CEP85L: variants seen among roughly 807,000 people sequenced by gnomAD.
The protein encoded by CEP85L is centrosomal protein 85L.
In CEP85L, 60 loss-of-function variants were observed where a neutral mutation model predicts 100.3. That is an observed-to-expected ratio of 0.60 (90% confidence interval 0.49 to 0.74). The LOEUF (loss-of-function observed/expected upper bound fraction) is 0.74, where lower values mean the gene tolerates loss of function less well. CEP85L is among the 30% of genes least tolerant of loss of function. CEP85L has a pLI of 0.00. For missense variants in CEP85L, 973 were observed against 936.2 expected, an observed-to-expected ratio of 1.04 and a Z score of -0.51; for synonymous variants, 319 against 322.7, an observed-to-expected ratio of 0.99 and a Z score of 0.12.
upstream of CEP85L, chr6:118,651,664 A>AGGCGTGCGC (rs1473162243): frequency 1.2e-6 from 1 of 844,338 alleles, no homozygotes; most frequent in Non-Finnish European, 1.4e-6. Flanking sequence ...CAATGACTTC[A>AGGCGTGCGC]GGCGTGCGCG....
chr6:118,629,481 T>C (rs376089353), intron 2 of CEP85L, among the ~76,000 whole-genome samples: 17 of 151,990 alleles, frequency 1.1e-4, no homozygotes, highest in African/African-American at 4.1e-4. Flanking sequence ...AACAACAAAA[T>C]ACTACACATT....
rs56893664 is a variant in CEP85L, at chr6:118,505,409, C to CAAAAAAAAAAAA, written c.1257+5877_1257+5888dup. The stretch of plus-strand genomic sequence containing the variant: ...TGAGCCAAGATCACGTCACTGTACT[C>CAAAAAAAAAAAA]AAAAAAAAAAAAAAAAAAAAAAAAA... On this transcript the variant is annotated intron_variant, in intron 5 of 12. Coordinates refer to ENST00000368491, the MANE Select transcript of CEP85L (RefSeq NM_001042475.3). Among the ~76,000 whole-genome samples, 23 of 71,822 alleles carry CAAAAAAAAAAAA rather than the reference C, an allele frequency of 3.2e-4. 1 individual carries two copies. The highest frequency in any genetic ancestry group is 5.0e-4 in the South Asian group (1 of 1,988). 47.1% of individuals were successfully genotyped at this position (71,822 alleles called of 152,430 possible).
intron 3 of CEP85L, chr6:118,560,461 G>A (rs369843444): frequency 1.6e-4 from 27 of 167,010 alleles, no homozygotes; most frequent in African/African-American, 6.5e-4. Context: ...ACATTGAGTA[G>A]GCAGAGGAGG....
chr6:118,612,084 G>C (rs1772666436), intron 2 of CEP85L, among the ~76,000 whole-genome samples: 1 of 151,920 alleles, frequency 6.6e-6, no homozygotes. Flanking sequence ...CATACGGTGG[G>C]CCCTAAAACA....
intron 2 of CEP85L, among the ~76,000 whole-genome samples, chr6:118,611,765 T>C (rs1441355943): frequency 6.6e-6 from 1 of 152,140 alleles, no homozygotes; most frequent in Non-Finnish European, 1.5e-5. Flanking sequence ...GAGAGGGACA[T>C]TATATAATGA....
chr6:118,651,090 G>A (rs1417349530), intron 1 of CEP85L, 107 bp downstream of exon 1: 3 of 1,367,192 alleles, frequency 2.2e-6, no homozygotes, highest in African/African-American at 1.5e-5. Flanking sequence ...CGGGGAGGCG[G>A]CCGGGGTAAG....
chr6:118,631,637 A>T (rs561346217), intron 2 of CEP85L, among the ~76,000 whole-genome samples: 1 of 152,380 alleles, frequency 6.6e-6, no homozygotes, highest in South Asian at 2.1e-4. Flanking sequence ...AATGCTACTC[A>T]TCAATAAAAA....
rs1583123073 is a variant in CEP85L, at chr6:118,591,314, C to T, written c.233-24998G>A. 4.6e-5 allele frequency among the ~76,000 whole-genome samples: 7 copies of T among 152,256 alleles called. No individual in the cohort carries two copies. In the South Asian group the frequency reaches 1.5e-3, roughly 32 times the overall value. On this transcript the variant is annotated intron_variant, in intron 2 of 12. Transcript: ENST00000368491. ...ACCCAAGTAACAAAAGTACCAGAGGCTACTACTCCCTTTGCAAAGGCCCCC... is the reference window on the plus strand; with the variant it reads ...ACCCAAGTAACAAAAGTACCAGAGGTTACTACTCCCTTTGCAAAGGCCCCC...
chr6:118,650,482 T>C (rs912759658), intron 1 of CEP85L, among the ~76,000 whole-genome samples: 1 of 152,156 alleles, frequency 6.6e-6, no homozygotes, highest in Non-Finnish European at 1.5e-5. Flanking sequence ...AAACCCCTAA[T>C]TTTCCTTGAA....
At chr6:118,664,600 A>G (rs1215462271) in intron 1 of CEP85L, 1 of 152,416 alleles carries the variant, frequency 6.6e-6, no homozygotes, top group Admixed American at 6.5e-5. Flanking sequence ...AGGAAACAGC[A>G]CTGTGTGTCA....
intron 3 of CEP85L, among the ~76,000 whole-genome samples, chr6:118,531,883 G>A (rs1777313122): frequency 6.6e-6 from 1 of 152,050 alleles, no homozygotes; most frequent in Non-Finnish European, 1.5e-5. Context: ...GCAGAGAAAA[G>A]GGAACACTTA....
intron 2 of CEP85L, among the ~76,000 whole-genome samples, chr6:118,622,001 T>G: frequency 6.6e-6 from 1 of 152,100 alleles, no homozygotes; most frequent in East Asian, 1.9e-4. Flanking sequence ...GGGACAAAAT[T>G]TATCTTTATA....
chr6:118,700,552 C>A (rs1403237682), intron 1 of CEP85L, among the ~76,000 whole-genome samples: 3 of 152,174 alleles, frequency 2.0e-5, no homozygotes, highest in Non-Finnish European at 4.4e-5. Flanking sequence ...CCATATTATG[C>A]CAGCATACCT....
chr6:118,564,512 T>C (rs1779391480), intron 3 of CEP85L, among the ~76,000 whole-genome samples: 1 of 152,224 alleles, frequency 6.6e-6, no homozygotes, highest in African/African-American at 2.4e-5. Flanking sequence ...TTATAAGAAC[T>C]GTATCTAAAA....
intron 2 of CEP85L, among the ~76,000 whole-genome samples, chr6:118,593,639 T>C (rs993043728): frequency 1.3e-5 from 2 of 149,888 alleles, no homozygotes; most frequent in Non-Finnish European, 1.5e-5. Flanking sequence ...CAATTTGACA[T>C]GAGATTGGTG....
rs901600550 is a variant in CEP85L at position 118,558,432 on chromosome 6, ATATGTTG to A, written c.1020+7090_1020+7096del. On this transcript the variant is annotated intron_variant, in intron 3 of 12. Transcript: ENST00000368491. ...AGCCTAGGGTAAAAATGGTTTTGTTATATGTTGTTTTGCGTAAAGTCATGGTTTCCAG... is the reference window on the plus strand; with the variant it reads ...AGCCTAGGGTAAAAATGGTTTTGTTATTTTGCGTAAAGTCATGGTTTCCAG... Among the ~76,000 whole-genome samples, 150 of 152,212 alleles carry A rather than the reference ATATGTTG, an allele frequency of 9.9e-4. 1 individual carries two copies. The highest frequency in any genetic ancestry group is 3.5e-3 in the African/African-American group (144 of 41,534).
intron 1 of CEP85L, among the ~76,000 whole-genome samples, chr6:118,670,885 A>T (rs1201417011): frequency 6.6e-6 from 1 of 152,020 alleles, no homozygotes; most frequent in Non-Finnish European, 1.5e-5. Context: ...CCTGATTAGC[A>T]CCATCAGCAG....
intron 2 of CEP85L, among the ~76,000 whole-genome samples, chr6:118,612,701 A>T (rs371550655): frequency 2.8e-5 from 4 of 142,548 alleles, no homozygotes; most frequent in African/African-American, 1.0e-4. Flanking sequence ...GGGACTCTCA[A>T]ATCAGTAATC....
At position 118,523,949 on chromosome 6, in the gene CEP85L, T is replaced by A. The variant is rs534397092; in HGVS notation, c.1021-29A>T. The A allele has an allele frequency of 7.5e-6, 7 of 931,932 alleles. No individual in the cohort carries two copies. In the South Asian group the frequency reaches 1.4e-4, roughly 18 times the overall value. 57.7% of individuals were successfully genotyped at this position (931,932 alleles called of 1,614,324 possible). The stretch of plus-strand genomic sequence containing the variant: ...CAGAAACATGTTTACACAATTAGTA[T>A]ACTAAAATATTTAAAGAAAATATTT... On this transcript the variant is annotated intron_variant, in intron 3 of 12. Transcript: ENST00000368491.
Sources: gnomAD v4.1 joint callset for allele counts (sites outside exome capture counted in the v4.1 genomes callset) on GRCh38, gnomAD v4.1.1 for gene constraint, MANE v1.5 for transcripts, NCBI Gene and HGNC (gene_info 2026-07-23, HGNC 2026-07-21) for gene names.